DRD3: variants seen among roughly 807,000 people sequenced by gnomAD.
DRD3 encodes the protein D(3) dopamine receptor.
DRD3 carries 19 observed loss-of-function variants against 36.3 expected under a neutral mutation model. The ratio of observed to expected loss-of-function variants is 0.52; its 90% CI spans 0.36 to 0.77. The LOEUF (loss-of-function observed/expected upper bound fraction) is 0.77. DRD3 is among the 30% of genes least tolerant of loss of function. DRD3 has a pLI of 0.00. For missense variants in DRD3, 465 were observed against 505.3 expected, an observed-to-expected ratio of 0.92 and a Z score of 0.77; for synonymous variants, 195 against 203.7, an observed-to-expected ratio of 0.96 and a Z score of 0.36.
At chr3:114,187,978 G>A (rs1214015302) in intron 1 of DRD3, among the ~76,000 whole-genome samples, 1 of 151,990 alleles carries the variant, frequency 6.6e-6, no homozygotes, top group African/African-American at 2.4e-5. Flanking sequence ...CATGCTCCTT[G>A]TGCCCTAGGA....
At chr3:114,172,092 A>T (rs1480399753) in intron 1 of DRD3, 65 bp from the exon 2 acceptor site, 1 of 1,230,904 alleles carries the variant, frequency 8.1e-7, no homozygotes, top group Non-Finnish European at 1.1e-6. Context: ...GCTTAGTTAC[A>T]TTTTTTTATT....
intron 1 of DRD3, among the ~76,000 whole-genome samples, chr3:114,173,778 G>T (rs1290461972): frequency 1.3e-5 from 2 of 152,180 alleles, no homozygotes; most frequent in East Asian, 3.8e-4. Context: ...TCAATGGCTT[G>T]TTGGTTACAA....
At chr3:114,161,542 C>T (rs375580801) in intron 2 of DRD3, among the ~76,000 whole-genome samples, 2 of 152,018 alleles carry the variant, frequency 1.3e-5, no homozygotes, top group Admixed American at 6.5e-5. Context: ...TTTGAGAAAC[C>T]CTGACCAATG....
At chr3:114,136,910 C>T (rs2107834970) in intron 5 of DRD3, among the ~76,000 whole-genome samples, 1 of 152,322 alleles carries the variant, frequency 6.6e-6, no homozygotes, top group South Asian at 2.1e-4. Context: ...TTTCCTTTCT[C>T]TGCCTGGTTT....
chr3:114,131,172 G>T lies in DRD3; in HGVS notation c.952C>A (p.Arg318=), dbSNP rs1303294486. 6.2e-7 allele frequency: 1 copy of T among 1,614,134 alleles called. No homozygotes were observed. The highest frequency in any genetic ancestry group is 8.5e-7 in the Non-Finnish European group (1 of 1,180,030). ...TTCTTCTCCCGAAGTGGCACTCCCC[G>T]AGGTTGCAGGGGCCCCAGCTTCAAA... ...TSLKLGPLQP[R]GVPLREKKAT... The change falls in exon 6 of 7, where the codon CGG becomes AGG. Residue 318 remains arginine (R), a synonymous_variant. Coordinates refer to ENST00000383673, the MANE Select transcript of DRD3 (RefSeq NM_000796.6).
chr3:114,147,789 A>G (rs1378104039), intron 3 of DRD3, among the ~76,000 whole-genome samples: 2 of 151,762 alleles, frequency 1.3e-5, no homozygotes. Flanking sequence ...CTGCCTAATT[A>G]TTTTATTTTT....
At chr3:114,176,098 C>G (rs2077896085) in intron 1 of DRD3, 2 of 152,174 alleles carry the variant, frequency 1.3e-5, no homozygotes, top group Non-Finnish European at 2.9e-5. Flanking sequence ...GATGTTCAAT[C>G]CCTCAGTGCT....
intron 2 of DRD3, among the ~76,000 whole-genome samples, chr3:114,160,698 T>C (rs2077724651): frequency 6.6e-6 from 1 of 152,222 alleles, no homozygotes; most frequent in Non-Finnish European, 1.5e-5. Context: ...TCTATCTGGC[T>C]TCAGCTTGTA....
chr3:114,186,584 G>A (rs1032669697), intron 1 of DRD3, among the ~76,000 whole-genome samples: 2 of 152,196 alleles, frequency 1.3e-5, no homozygotes, highest in African/African-American at 2.4e-5. Context: ...GGAGGACAAG[G>A]TTCTTTTTGC....
chr3:114,159,787 G>A lies in DRD3; in HGVS notation c.351C>T (p.Ser117=). The part of the protein sequence containing the change: ...VTLDVMMCTA[S]ILNLCAISID... The stretch of plus-strand genomic sequence containing the variant: ...TGCTGATGGCACAGAGATTAAGGAT[G>A]CTGGCTGTACACATCATGACATCCA... The change falls in exon 3 of 7, where the codon AGC becomes AGT. Residue 117 remains serine (S), a synonymous_variant. Transcript: ENST00000383673. The A allele has an allele frequency of 6.2e-7, 1 of 1,614,098 alleles. No homozygotes were observed. Among genetic ancestry groups the A allele is most frequent in the Non-Finnish European group, 8.5e-7 (1 of 1,179,972 alleles).
intron 1 of DRD3, among the ~76,000 whole-genome samples, chr3:114,176,847 T>C (rs947877467): frequency 3.3e-5 from 5 of 152,188 alleles, no homozygotes; most frequent in African/African-American, 4.8e-5. Context: ...TAATTATAGC[T>C]AAAATTTATA....
chr3:114,160,541 G>A (rs960804237), intron 2 of DRD3, among the ~76,000 whole-genome samples: 1 of 152,196 alleles, frequency 6.6e-6, no homozygotes, highest in Non-Finnish European at 1.5e-5. Context: ...TGCTCAGCTG[G>A]TGGTAAAAGG....
rs376600246 is a variant in DRD3 at position 114,193,148 on chromosome 3, G to A, written c.-156+6125C>T. Among the ~76,000 whole-genome samples the A allele has an allele frequency of 5.5e-4, 84 of 152,118 alleles. 1 individual carries two copies. The highest frequency in any genetic ancestry group is 2.0e-3 in the African/African-American group (81 of 41,508). On this transcript the variant is annotated intron_variant, in intron 1 of 7. Coordinates refer to the DRD3 transcript ENST00000460779. ...CAAAAAATTAGCTGGGCGTGGTGGC[G>A]GGCGCCTGTAGTCCCAGCTACTTGG...
chr3:114,137,390 T>C (rs997552366), intron 5 of DRD3, among the ~76,000 whole-genome samples: 1 of 152,206 alleles, frequency 6.6e-6, no homozygotes, highest in Non-Finnish European at 1.5e-5. Flanking sequence ...TGGGACATGA[T>C]AATATTTTGA....
At chr3:114,166,390 G>C (rs528196498) in intron 2 of DRD3, among the ~76,000 whole-genome samples, 1 of 152,300 alleles carries the variant, frequency 6.6e-6, no homozygotes, top group Admixed American at 6.5e-5. Context: ...AACAGTGTTG[G>C]GAGATGGGGT....
At chr3:114,169,783 T>G (rs1252923399) in intron 2 of DRD3, among the ~76,000 whole-genome samples, 1 of 152,160 alleles carries the variant, frequency 6.6e-6, no homozygotes, top group East Asian at 1.9e-4. Context: ...GGATTTCTAG[T>G]GTGGAAAAGT....
intron 1 of DRD3, among the ~76,000 whole-genome samples, chr3:114,190,432 A>T (rs1576093244): frequency 3.0e-4 from 2 of 6,766 alleles, no homozygotes; most frequent in African/African-American, 7.5e-4. Context: ...ATATATATAT[A>T]TATATATATA....
intron 3 of DRD3, among the ~76,000 whole-genome samples, chr3:114,156,114 TTAGAG>T (rs2077664867): frequency 6.6e-6 from 1 of 152,222 alleles, no homozygotes; most frequent in Admixed American, 6.5e-5. Flanking sequence ...TTCCAACTTC[TTAGAG>T]TATTTAAGGA....
chr3:114,192,934 T>C (rs1447023071), intron 1 of DRD3, among the ~76,000 whole-genome samples: 6 of 152,130 alleles, frequency 3.9e-5, no homozygotes, highest in African/African-American at 1.4e-4. Flanking sequence ...CCCCACTTCG[T>C]CTTTCCTATA....
Sources: gnomAD v4.1 joint callset for allele counts (sites outside exome capture counted in the v4.1 genomes callset) on GRCh38, gnomAD v4.1.1 for gene constraint, MANE v1.5 for transcripts, NCBI Gene and HGNC (gene_info 2026-07-23, HGNC 2026-07-21) for gene names.